SEMA3A: variants seen among roughly 807,000 people sequenced by gnomAD.
SEMA3A encodes the protein semaphorin-3A.
Under a neutral mutation model 97.9 loss-of-function variants are expected in SEMA3A, and 29 were observed. The ratio of observed to expected loss-of-function variants is 0.30; its 90% CI spans 0.22 to 0.40. SEMA3A has a LOEUF of 0.40. Ranked by LOEUF, SEMA3A falls within the 10% of genes least tolerant of loss-of-function variation. The pLI is 1.00. For missense variants in SEMA3A, 763 were observed against 951.3 expected (o/e 0.80, Z 2.60); for synonymous variants, 321 against 323.7 (o/e 0.99, Z 0.09).
intron 3 of SEMA3A, among the ~76,000 whole-genome samples, chr7:84,255,946 T>C (rs566406116): frequency 6.6e-6 from 1 of 152,088 alleles, no homozygotes; most frequent in East Asian, 1.9e-4. Flanking sequence ...ATCTAGAGAT[T>C]TATAATCCTT....
intron 3 of SEMA3A, among the ~76,000 whole-genome samples, chr7:84,300,366 T>C (rs1317398635): frequency 6.6e-6 from 1 of 152,062 alleles, no homozygotes; most frequent in Non-Finnish European, 1.5e-5. Context: ...ACTTAATCTG[T>C]AGTATAATGA....
chr7:84,331,130 T>C (rs1801900878), intron 2 of SEMA3A, among the ~76,000 whole-genome samples: 1 of 152,124 alleles, frequency 6.6e-6, no homozygotes. Flanking sequence ...ATTGATTGCT[T>C]TTCTGAGTAA....
At chr7:84,482,623 C>T (rs1806476081) in intron 1 of SEMA3A, among the ~76,000 whole-genome samples, 1 of 152,050 alleles carries the variant, frequency 6.6e-6, no homozygotes, top group Non-Finnish European at 1.5e-5. Context: ...ATAGAACAGC[C>T]CAAGTACCCA....
chr7:84,249,344 G>GTC lies in SEMA3A; in HGVS notation c.-82-54678_-82-54677dup, dbSNP rs138827108. ...AAGGAGGAGATTTGTGCTGGTCACAGTCTCTCTCTCTCTCTCTGTCTATCA... is the reference window on the plus strand; with the variant it reads ...AAGGAGGAGATTTGTGCTGGTCACAGTCTCTCTCTCTCTCTCTCTGTCTATCA... On this transcript the variant is annotated intron_variant, in intron 3 of 3. Transcript: ENST00000424555. 3.3e-4 allele frequency among the ~76,000 whole-genome samples: 49 copies of GTC among 147,216 alleles called. 1 individual carries two copies. Among genetic ancestry groups the GTC allele is most frequent in the South Asian group, 1.3e-3 (6 of 4,610 alleles).
chr7:84,476,565 A>C (rs774909594), intron 1 of SEMA3A, among the ~76,000 whole-genome samples: 43 of 152,194 alleles, frequency 2.8e-4, no homozygotes, highest in Middle Eastern at 6.8e-3. Context: ...GTAGGCATTC[A>C]AGTGCCTAAA....
intron 1 of SEMA3A, among the ~76,000 whole-genome samples, chr7:84,389,509 G>C (rs1803485354): frequency 6.6e-6 from 1 of 151,942 alleles, no homozygotes; most frequent in South Asian, 2.1e-4. Flanking sequence ...TCTGAGTAGT[G>C]TAGTCCACGC....
intron 5 of SEMA3A, among the ~76,000 whole-genome samples, chr7:84,056,429 C>T (rs1011369256): frequency 3.3e-5 from 5 of 152,106 alleles, no homozygotes; most frequent in Admixed American, 3.3e-4. Context: ...AACCACATTT[C>T]CTGATGAAAT....
At chr7:84,169,704 A>G (rs188732189) in intron 1 of SEMA3A, among the ~76,000 whole-genome samples, 42 of 151,720 alleles carry the variant, frequency 2.8e-4, no homozygotes, top group Admixed American at 2.0e-3. Flanking sequence ...CAATTAATCA[A>G]TCACAAAAAG....
chr7:83,974,238 G>A (rs1789039728), intron 15 of SEMA3A, among the ~76,000 whole-genome samples: 1 of 152,094 alleles, frequency 6.6e-6, no homozygotes. Context: ...AGGAGGTGTA[G>A]CTGGATTTTT....
At chr7:84,259,723 T>G (rs1289742354) in intron 3 of SEMA3A, among the ~76,000 whole-genome samples, 1 of 145,914 alleles carries the variant, frequency 6.9e-6, no homozygotes, top group African/African-American at 2.5e-5. Context: ...AAACCTTGGG[T>G]AGGAGAAAAA....
In SEMA3A at chr7:84,227,443, A is replaced by C. The variant is rs527272992; in HGVS notation, c.-82-32775T>G. Among the ~76,000 whole-genome samples the C allele has an allele frequency of 1.2e-4, 18 of 152,248 alleles. No individual in the cohort carries two copies. The East Asian group carries it at 3.3e-3, about 28-fold the overall frequency. ...GCTTTAAATAAGTGTGTCTCGTGTG[A>C]CAGTTGAAAAAACAAAATGCATTTC... On this transcript the variant is annotated intron_variant, in intron 3 of 3. Transcript: ENST00000424555.
At position 84,366,729 on chromosome 7, in the gene SEMA3A, A is replaced by G. The variant is rs147908802; in HGVS notation, c.-169+5095T>C. 5.9e-5 allele frequency among the ~76,000 whole-genome samples: 9 copies of G among 151,476 alleles called. No homozygotes were observed. In the East Asian group the frequency reaches 1.8e-3, roughly 30 times the overall value. Reference sequence around the variant, plus strand: ...GATTCACTTGGTTCATCCATAAACAACAACTGAGAAAAGGCCTTTCTGTGC... The same window carrying G: ...GATTCACTTGGTTCATCCATAAACAGCAACTGAGAAAAGGCCTTTCTGTGC... On this transcript the variant is annotated intron_variant, in intron 2 of 3. Transcript: ENST00000424555.
At position 84,071,435 on chromosome 7, in the gene SEMA3A, G is replaced by A. The variant is rs185603408; in HGVS notation, c.454-10877C>T. 7.9e-4 allele frequency among the ~76,000 whole-genome samples: 120 copies of A among 152,156 alleles called. 1 individual carries two copies. The highest frequency in any genetic ancestry group is 1.5e-3 in the Non-Finnish European group (105 of 67,974). On this transcript the variant is annotated intron_variant, in intron 4 of 16. Coordinates refer to ENST00000265362, the MANE Select transcript of SEMA3A (RefSeq NM_006080.3). ...CTGAAAACATTAGTTTAGTTTTTGG[G>A]TTAATTCTTTTTTAGGCCAGGAGTT...
intron 2 of SEMA3A, among the ~76,000 whole-genome samples, chr7:84,321,293 T>C (rs755384141): frequency 3.9e-5 from 6 of 152,176 alleles, no homozygotes; most frequent in Non-Finnish European, 8.8e-5. Context: ...TTATTGTATG[T>C]TTTTCCAAGT....
At chr7:84,235,341 T>A (rs1799211402) in intron 3 of SEMA3A, among the ~76,000 whole-genome samples, 1 of 152,062 alleles carries the variant, frequency 6.6e-6, no homozygotes, top group Non-Finnish European at 1.5e-5. Context: ...TTATATTTAA[T>A]ATATGCAATC....
At chr7:84,240,917 C>A (rs367622504) in intron 3 of SEMA3A, among the ~76,000 whole-genome samples, 4 of 152,146 alleles carry the variant, frequency 2.6e-5, no homozygotes, top group Non-Finnish European at 4.4e-5. Flanking sequence ...CATCCACGTC[C>A]CTTCAAAGAA....
Position 84,300,720 on chromosome 7 carries a change from T to G in SEMA3A, c.-83+6487A>C, listed in dbSNP as rs909961971. On this transcript the variant is annotated intron_variant, in intron 3 of 3. Coordinates refer to the SEMA3A transcript ENST00000424555. ...CAAAGTACAAAGATACTTGACTGAA[T>G]TGAAGGAAGAGAAGGAACATTGCAT... Among the ~76,000 whole-genome samples the G allele has an allele frequency of 3.9e-5, 6 of 152,100 alleles. No individual in the cohort carries two copies. In the East Asian group the frequency reaches 7.7e-4, roughly 20 times the overall value.
intron 13 of SEMA3A, 60 bp from the exon 14 acceptor site, chr7:83,981,538 C>T (rs1789417763): frequency 1.5e-6 from 2 of 1,331,656 alleles, no homozygotes; most frequent in Non-Finnish European, 1.0e-6. Flanking sequence ...CTCTTGTTCT[C>T]TTAAAAAAGA....
intron 1 of SEMA3A, among the ~76,000 whole-genome samples, chr7:84,166,741 G>A (rs1355109897): frequency 6.6e-6 from 1 of 151,480 alleles, no homozygotes; most frequent in African/African-American, 2.4e-5. Flanking sequence ...TGGGCGCGGT[G>A]GCAGGCACCT....
Sources: allele counts gnomAD v4.1 joint callset (sites outside exome capture counted in the v4.1 genomes callset), GRCh38; gene constraint gnomAD v4.1.1; transcripts MANE v1.5; gene names NCBI Gene and HGNC (gene_info 2026-07-23, HGNC 2026-07-21).